Variants in CMC1 observed in about 807,000 individuals in gnomAD.
The protein encoded by CMC1 is C-X9-C motif containing 1.
A neutral mutation model predicts 14.1 loss-of-function variants in CMC1; 14 were observed. The ratio of observed to expected loss-of-function variants is 0.99; its 90% confidence interval spans 0.66 to 1.55. The LOEUF (loss-of-function observed/expected upper bound fraction) is 1.55. Among genes scored for constraint, CMC1 ranks in the 40% most tolerant of loss-of-function variants. CMC1 has a pLI of 0.00. For missense variants in CMC1, 127 were observed against 123.8 expected, an observed-to-expected ratio of 1.03 and a Z score of -0.12; for synonymous variants, 50 against 38.4, an observed-to-expected ratio of 1.30 and a Z score of -1.12.
chr3:28,251,429 A>G (rs572983903), intron 1 of CMC1, among the ~76,000 whole-genome samples: 3 of 152,286 alleles, frequency 2.0e-5, no homozygotes, highest in African/African-American at 7.2e-5. Flanking sequence ...TCGTGTCCCA[A>G]ACACATCCCA....
chr3:28,293,522 G>C (rs1451342512), intron 2 of CMC1, among the ~76,000 whole-genome samples: 1 of 152,200 alleles, frequency 6.6e-6, no homozygotes, highest in South Asian at 2.1e-4. Flanking sequence ...CATCTTTAAC[G>C]AAAATTTGCT....
chr3:28,276,953 T>A (rs368588860), intron 2 of CMC1, among the ~76,000 whole-genome samples: 1 of 152,194 alleles, frequency 6.6e-6, no homozygotes, highest in Admixed American at 6.5e-5. Context: ...CTTCATTTTG[T>A]TACATTTATA....
chr3:28,283,551 C>CAAAAAAAAAAAAAAAAAAA (rs5847510), intron 2 of CMC1, among the ~76,000 whole-genome samples: 1 of 118,268 alleles, frequency 8.5e-6, no homozygotes, highest in African/African-American at 3.1e-5. Context: ...ACAACAAAAA[C>CAAAAAAAAAAAAAAAAAAA]AAAAAAAAAA....
intron 2 of CMC1, among the ~76,000 whole-genome samples, chr3:28,282,391 A>G (rs1700946062): frequency 6.6e-6 from 1 of 152,184 alleles, no homozygotes; most frequent in South Asian, 2.1e-4. Context: ...ATGTAGTCCT[A>G]CAGAGATAAC....
chr3:28,277,716 A>G (rs1445867746), intron 2 of CMC1, among the ~76,000 whole-genome samples: 3 of 152,192 alleles, frequency 2.0e-5, no homozygotes, highest in Non-Finnish European at 4.4e-5. Flanking sequence ...GAGAAGAATG[A>G]TCTTGGCAGA....
chr3:28,306,550 C>T (rs900814691), intron 2 of CMC1, among the ~76,000 whole-genome samples: 19 of 151,878 alleles, frequency 1.3e-4, no homozygotes, highest in African/African-American at 3.9e-4. Flanking sequence ...TTACTGATGT[C>T]ATTTATCAAT....
At position 28,263,052 on chromosome 3, in the gene CMC1, T is replaced by C. The variant is rs374861961; in HGVS notation, c.20-239T>C. 186 of 418,980 alleles carry C rather than the reference T, an allele frequency of 4.4e-4. 4 individuals carry two copies. In the South Asian group the frequency reaches 4.7e-3, roughly 11 times the overall value. The allele number at this position is 418,980 out of a possible 1,614,324, so 26.0% of individuals were successfully genotyped here. A position where few individuals can be genotyped will look rare whatever the true frequency, so the allele number is the denominator to read the frequency against. On this transcript the variant is annotated intron_variant, in intron 1 of 3. Transcript: ENST00000466830. ...GTTATAAAGTAAAGATGTTGTAGTA[T>C]AGTTTGCAGAAATTTTAAGAAACAT...
chr3:28,300,092 C>CT (rs1006061978), intron 2 of CMC1, among the ~76,000 whole-genome samples: 1 of 151,854 alleles, frequency 6.6e-6, no homozygotes. Flanking sequence ...TTATTTCCTC[C>CT]TTTTTTTCCC....
chr3:28,296,747 CAT>C (rs1199670071), intron 2 of CMC1, among the ~76,000 whole-genome samples: 2 of 151,998 alleles, frequency 1.3e-5, no homozygotes, highest in Non-Finnish European at 2.9e-5. Flanking sequence ...ACTTATTTAA[CAT>C]ATATTGAATT....
In CMC1 at chr3:28,244,683, G is replaced by A. The variant is rs577641226; in HGVS notation, c.19+2871G>A. 7.3e-4 allele frequency among the ~76,000 whole-genome samples: 111 copies of A among 151,514 alleles called. 1 individual carries two copies. Among genetic ancestry groups the A allele is most frequent in the Non-Finnish European group, 1.0e-3 (68 of 67,954 alleles). On this transcript the variant is annotated intron_variant, in intron 1 of 3. Transcript: ENST00000466830. ...AGCGGTTGCAGTGAGCCGAGGTTGC[G>A]CCACTGCACTCCAGCTTGGGCCACA...
At chr3:28,245,172 G>A (rs1698754370) in intron 1 of CMC1, among the ~76,000 whole-genome samples, 2 of 151,946 alleles carry the variant, frequency 1.3e-5, no homozygotes, top group Non-Finnish European at 1.5e-5. Context: ...TTTTCATTTG[G>A]CAGCAACTTT....
chr3:28,311,933 G>C (rs1219575465), intron 2 of CMC1, among the ~76,000 whole-genome samples: 1 of 152,054 alleles, frequency 6.6e-6, no homozygotes, highest in East Asian at 1.9e-4. Context: ...TATGTTTAAA[G>C]TACCTCTCTG....
At chr3:28,312,397 T>A (rs1702681582) in intron 2 of CMC1, among the ~76,000 whole-genome samples, 1 of 152,210 alleles carries the variant, frequency 6.6e-6, no homozygotes, top group African/African-American at 2.4e-5. Context: ...TGTTTTAAAA[T>A]TGTCATCTCA....
intron 3 of CMC1, chr3:28,317,183 C>G (rs895148399): frequency 1.3e-5 from 2 of 151,908 alleles, no homozygotes; most frequent in Non-Finnish European, 2.9e-5. Flanking sequence ...ATGTAATGAA[C>G]ACCCGAACCC....
rs376321066 is a variant in CMC1 at position 28,274,212 on chromosome 3, G to GT, written c.109+10839dup. ...TTGGTCTTTGTACTAAAGTGTTTTT[G>GT]TTTTTTTCTTTTTTTTTTTTTTTGC... On this transcript the variant is annotated intron_variant, in intron 2 of 3. Transcript: ENST00000466830. Among the ~76,000 whole-genome samples, 32 of 88,156 alleles carry GT rather than the reference G, an allele frequency of 3.6e-4. 1 individual carries two copies. The highest frequency in any genetic ancestry group is 5.4e-4 in the Non-Finnish European group (25 of 46,372). The allele number at this position is 88,156 out of a possible 152,430, so 57.8% of individuals were successfully genotyped here.
Position 28,321,679 on chromosome 3 carries a change from T to C in CMC1, c.*2050T>C, listed in dbSNP as rs1208001646. ...TTCTGAATTAAGATCAGTACTTTGT[T>C]GTCACATGATTCAGCTCTTCAAGTC... On this transcript the variant is annotated 3_prime_UTR_variant, in exon 4 of 4. Coordinates refer to ENST00000466830, the MANE Select transcript of CMC1 (RefSeq NM_182523.2). 6.6e-6 allele frequency: 1 copy of C among 151,374 alleles called. No individual in the cohort carries two copies. Among genetic ancestry groups the C allele is most frequent in the African/African-American group, 2.4e-5 (1 of 41,350 alleles). The allele number at this position is 151,374 out of a possible 1,614,324, so 9.4% of individuals were successfully genotyped here.
intron 2 of CMC1, among the ~76,000 whole-genome samples, chr3:28,275,980 TG>T (rs962109939): frequency 6.0e-4 from 91 of 152,068 alleles, no homozygotes; most frequent in African/African-American, 2.1e-3. Context: ...CAGGGGAAAA[TG>T]GCAGACTGGA....
intron 2 of CMC1, among the ~76,000 whole-genome samples, chr3:28,286,065 G>A (rs1443176769): frequency 6.6e-6 from 1 of 151,982 alleles, no homozygotes; most frequent in African/African-American, 2.4e-5. Context: ...GCACCTGGCA[G>A]CATTTTCTTT....
intron 2 of CMC1, among the ~76,000 whole-genome samples, chr3:28,277,706 G>A (rs139765512): frequency 2.0e-5 from 3 of 152,290 alleles, no homozygotes; most frequent in African/African-American, 7.2e-5. Flanking sequence ...AGATATCTCT[G>A]AGAAGAATGA....
Sources: allele counts gnomAD v4.1 joint callset (sites outside exome capture counted in the v4.1 genomes callset), GRCh38; gene constraint gnomAD v4.1.1; transcripts MANE v1.5; gene names NCBI Gene and HGNC (gene_info 2026-07-23, HGNC 2026-07-21).